The following DNM3 variants were observed in gnomAD, a reference collection of about 807,000 sequenced individuals.
DNM3 encodes dynamin-3.
In DNM3, 47 loss-of-function variants were observed where a neutral mutation model predicts 101.6. The observed-to-expected ratio is 0.46, with a 90% CI of 0.37 to 0.59. The LOEUF (loss-of-function observed/expected upper bound fraction) is 0.59, where lower values mean the gene tolerates loss of function less well. Among genes scored for constraint, DNM3 ranks in the 20% least tolerant of loss-of-function variants. DNM3 has a pLI of 0.00. For missense variants in DNM3, 849 were observed against 1,085.7 expected, an observed-to-expected ratio of 0.78 and a Z score of 3.06; for synonymous variants, 385 against 387.9, an observed-to-expected ratio of 0.99 and a Z score of 0.09.
At chr1:172,245,662 A>G (rs1440048324) in intron 14 of DNM3, among the ~76,000 whole-genome samples, 1 of 152,224 alleles carries the variant, frequency 6.6e-6, no homozygotes, top group Non-Finnish European at 1.5e-5. Flanking sequence ...GTTAGAAGTC[A>G]CAGGGAGCTA....
intron 15 of DNM3, among the ~76,000 whole-genome samples, chr1:172,291,250 G>T (rs1198160842): frequency 6.6e-6 from 1 of 152,136 alleles, no homozygotes; most frequent in Non-Finnish European, 1.5e-5. Context: ...GAAAGTGTGT[G>T]TGTGTGCACA....
chr1:172,132,105 A>T (rs557866239), intron 14 of DNM3, among the ~76,000 whole-genome samples: 1 of 152,256 alleles, frequency 6.6e-6, no homozygotes, highest in East Asian at 1.9e-4. Flanking sequence ...AGATAAGGAT[A>T]CTCTGTGATA....
chr1:171,851,523 C>T (rs1337147164), intron 1 of DNM3, among the ~76,000 whole-genome samples: 1 of 152,176 alleles, frequency 6.6e-6, no homozygotes, highest in East Asian at 1.9e-4. Flanking sequence ...AAGCAATTCT[C>T]ATGCCTCAGC....
intron 2 of DNM3, among the ~76,000 whole-genome samples, chr1:171,922,920 T>G (rs961006186): frequency 1.9e-4 from 29 of 152,264 alleles, no homozygotes; most frequent in African/African-American, 6.3e-4. Context: ...ATTGTCTGGA[T>G]AGATCACATT....
intron 20 of DNM3, among the ~76,000 whole-genome samples, chr1:172,406,264 C>T (rs2070876453): frequency 6.6e-6 from 1 of 151,898 alleles, no homozygotes; most frequent in Non-Finnish European, 1.5e-5. Flanking sequence ...CAGAAGATGA[C>T]CAAAATGACA....
At chr1:172,055,631 C>T (rs969977292) in intron 10 of DNM3, among the ~76,000 whole-genome samples, 4 of 152,262 alleles carry the variant, frequency 2.6e-5, no homozygotes, top group Non-Finnish European at 5.9e-5. Flanking sequence ...ACCCCTAAAA[C>T]AGCCTGGTTT....
At chr1:172,307,335 T>A (rs990063855) in intron 15 of DNM3, among the ~76,000 whole-genome samples, 3 of 152,194 alleles carry the variant, frequency 2.0e-5, no homozygotes, top group African/African-American at 7.2e-5. Context: ...GATAACATCT[T>A]ACACCAGTTA....
intron 14 of DNM3, among the ~76,000 whole-genome samples, chr1:172,249,665 C>G (rs2062092241): frequency 6.6e-6 from 1 of 152,052 alleles, no homozygotes; most frequent in African/African-American, 2.4e-5. Context: ...TTTTATGAAT[C>G]TCTATTAAAA....
intron 16 of DNM3, among the ~76,000 whole-genome samples, chr1:172,322,009 A>T (rs1394072002): frequency 6.6e-6 from 1 of 152,076 alleles, no homozygotes; most frequent in African/African-American, 2.4e-5. Context: ...ATATCACGGC[A>T]ACTCACAATG....
rs753502478 is a variant in DNM3 at position 172,042,161 on chromosome 1, AT to A, written c.1128+24del. On this transcript the variant is annotated intron_variant, in intron 8 of 20. Transcript: ENST00000627582. The stretch of plus-strand genomic sequence containing the variant: ...ATAGTAAAGGTTTGTGTCAAACGTT[AT>A]TTTTTTCTTAGTTTCACTTCACTTC... 9.5e-6 allele frequency: 15 copies of A among 1,576,650 alleles called. No homozygotes were observed. Among genetic ancestry groups the A allele is most frequent in the Non-Finnish European group, 1.2e-5 (14 of 1,168,138 alleles).
chr1:172,295,345 T>A (rs2064115641), intron 15 of DNM3, among the ~76,000 whole-genome samples: 1 of 152,062 alleles, frequency 6.6e-6, no homozygotes. Context: ...ACATGTAGAG[T>A]TCCATCTAAT....
intron 2 of DNM3, among the ~76,000 whole-genome samples, chr1:171,925,845 C>T (rs2040527285): frequency 6.6e-6 from 1 of 152,080 alleles, no homozygotes; most frequent in Non-Finnish European, 1.5e-5. Context: ...TGAGGACTTA[C>T]ATTTAAGTCT....
intron 16 of DNM3, among the ~76,000 whole-genome samples, chr1:172,317,226 C>T (rs955157224): frequency 1.3e-4 from 20 of 151,386 alleles, no homozygotes; most frequent in Admixed American, 1.3e-3. Context: ...ATCTCTGGGA[C>T]ACATTCAAAG....
At chr1:171,963,802 A>G (rs1467559296) in intron 2 of DNM3, among the ~76,000 whole-genome samples, 1 of 151,262 alleles carries the variant, frequency 6.6e-6, no homozygotes, top group Non-Finnish European at 1.5e-5. Flanking sequence ...CCAAAAAAAA[A>G]TCCTAAGAGA....
intron 14 of DNM3, among the ~76,000 whole-genome samples, chr1:172,169,204 C>G (rs1290030350): frequency 6.6e-6 from 1 of 151,800 alleles, no homozygotes; most frequent in Non-Finnish European, 1.5e-5. Flanking sequence ...ATTGCAGATA[C>G]TTTTAAGAAG....
At chr1:172,385,483 T>C (rs1202802423) in intron 18 of DNM3, among the ~76,000 whole-genome samples, 1 of 152,228 alleles carries the variant, frequency 6.6e-6, no homozygotes, top group Admixed American at 6.5e-5. Context: ...ACAGAGGGTT[T>C]CCTAAATACA....
chr1:172,219,931 G>A (rs1336333154), intron 14 of DNM3, among the ~76,000 whole-genome samples: 1 of 152,080 alleles, frequency 6.6e-6, no homozygotes, highest in East Asian at 1.9e-4. Context: ...AAATACACAT[G>A]AGCAGGGAAT....
Position 172,336,489 on chromosome 1 carries a change from A to ATTATAATTTATATATATAAATT in DNM3, c.1893+13165_1893+13186dup, listed in dbSNP as rs1205262615. 1.5e-4 allele frequency among the ~76,000 whole-genome samples: 23 copies of ATTATAATTTATATATATAAATT among 149,282 alleles called. No individual in the cohort carries two copies. In the East Asian group the frequency reaches 1.9e-3, roughly 13 times the overall value. On this transcript the variant is annotated intron_variant, in intron 17 of 20. Transcript: ENST00000627582. ...AATACACAATTAAAGGTTTTCTATAATTATAATTTATATATATAAATTTTA... is the reference window on the plus strand; with the variant it reads ...AATACACAATTAAAGGTTTTCTATAATTATAATTTATATATATAAATTTTATAATTTATATATATAAATTTTA...
intron 3 of DNM3, among the ~76,000 whole-genome samples, 188 bp downstream of exon 3, chr1:171,987,993 T>C (rs1227853357): frequency 6.6e-6 from 1 of 152,204 alleles, no homozygotes; most frequent in Non-Finnish European, 1.5e-5. Flanking sequence ...GAGATGACTT[T>C]AATAAAAACA....
Sources: gnomAD v4.1 joint callset for allele counts (sites outside exome capture counted in the v4.1 genomes callset) on GRCh38, gnomAD v4.1.1 for gene constraint, MANE v1.5 for transcripts, NCBI Gene and HGNC (gene_info 2026-07-23, HGNC 2026-07-21) for gene names.